RAB38: variants seen among roughly 807,000 people sequenced by gnomAD.
RAB38 encodes the protein RAB38, member RAS oncogene family.
Under a neutral mutation model 18.4 loss-of-function variants are expected in RAB38, and 15 were observed. That is an observed-to-expected ratio of 0.82 (90% CI 0.55 to 1.26). The LOEUF is 1.26. RAB38 is among the 50% of genes most tolerant of loss of function. RAB38 has a pLI of 0.00. For synonymous variants in RAB38, 101 were observed against 104.4 expected (o/e 0.97, Z 0.20); for missense variants, 294 against 267.4 (o/e 1.10, Z -0.69).
Position 88,134,143 on chromosome 11 carries a change from CT to C in RAB38, c.483+15531del, listed in dbSNP as rs575776348. Among the ~76,000 whole-genome samples, 231 of 152,278 alleles carry C rather than the reference CT, an allele frequency of 1.5e-3. 1 individual carries two copies. The highest frequency in any genetic ancestry group is 5.2e-3 in the African/African-American group (215 of 41,558). On this transcript the variant is annotated intron_variant, in intron 2 of 2. Coordinates refer to ENST00000243662, the MANE Select transcript of RAB38 (RefSeq NM_022337.3). ...CATCTGCTCTTAGATGTATAGTAAC[CT>C]TTTAGACTTTAACATACAAAAAAAA... is the stretch of plus-strand genomic sequence containing the variant.
At chr11:87,948,891 AT>A in the RAB38 span, among the ~76,000 whole-genome samples, 1 of 152,096 alleles carries the variant, frequency 6.6e-6, no homozygotes, top group African/African-American at 2.4e-5. Context: ...TATCAGGATG[AT>A]GCTGGCCTCA....
chr11:87,937,859 C>A, the RAB38 span, among the ~76,000 whole-genome samples: 4 of 122,962 alleles, frequency 3.3e-5, no homozygotes, highest in Non-Finnish European at 6.7e-5. Flanking sequence ...TTTGTAATTG[C>A]TCATTGAAGT....
At chr11:87,817,008 C>T in the RAB38 span, 1 of 152,228 alleles carries the variant, frequency 6.6e-6, no homozygotes, top group Non-Finnish European at 1.5e-5. Context: ...AAGCTTATGT[C>T]ATCCTTAGAT....
At chr11:87,842,494 T>C in the RAB38 span, among the ~76,000 whole-genome samples, 1 of 152,172 alleles carries the variant, frequency 6.6e-6, no homozygotes, top group Non-Finnish European at 1.5e-5. Context: ...GGGCCTTCGT[T>C]GTACTTGAGC....
chr11:88,090,702 G>A, the RAB38 span, among the ~76,000 whole-genome samples: 2 of 151,958 alleles, frequency 1.3e-5, no homozygotes, highest in African/African-American at 4.8e-5. Context: ...CACAGCTCTG[G>A]AGGAAATGTC....
the RAB38 span, among the ~76,000 whole-genome samples, chr11:87,949,726 C>G: frequency 2.0e-5 from 3 of 152,154 alleles, no homozygotes; most frequent in Admixed American, 6.5e-5. Flanking sequence ...ATCCTGAGTT[C>G]TAGTTTGATT....
chr11:87,947,664 G>A, the RAB38 span, among the ~76,000 whole-genome samples: 2 of 152,142 alleles, frequency 1.3e-5, no homozygotes, highest in Non-Finnish European at 2.9e-5. Flanking sequence ...CCCATTTCAT[G>A]TTTTTGTCAC....
chr11:88,053,255 G>A, the RAB38 span, among the ~76,000 whole-genome samples: 263 of 54,752 alleles, frequency 4.8e-3, no homozygotes, highest in African/African-American at 5.7e-3. Context: ...ACATATATAT[G>A]GAATATATAT....
At chr11:88,061,347 C>T in the RAB38 span, among the ~76,000 whole-genome samples, 1 of 152,106 alleles carries the variant, frequency 6.6e-6, no homozygotes, top group African/African-American at 2.4e-5. Context: ...TGGCAGAAAC[C>T]TCAGAAGTAA....
chr11:88,069,274 A>G, the RAB38 span, among the ~76,000 whole-genome samples: 1 of 152,306 alleles, frequency 6.6e-6, no homozygotes, highest in Non-Finnish European at 1.5e-5. Flanking sequence ...GCTGGGCCTC[A>G]GCCACCTCCC....
At chr11:87,949,745 A>G in the RAB38 span, among the ~76,000 whole-genome samples, 53 of 152,152 alleles carry the variant, frequency 3.5e-4, no homozygotes, top group African/African-American at 1.1e-3. Context: ...TTGCACTGTG[A>G]TCTGAGAGAC....
the RAB38 span, among the ~76,000 whole-genome samples, chr11:87,849,164 T>C: frequency 5.3e-5 from 8 of 152,122 alleles, no homozygotes; most frequent in Non-Finnish European, 1.0e-4. Flanking sequence ...GGTACATTGG[T>C]ACAAAACTTT....
At chr11:88,052,929 TATATA>T in the RAB38 span, among the ~76,000 whole-genome samples, 404 of 57,954 alleles carry the variant, frequency 7.0e-3, 26 homozygotes, top group Middle Eastern at 0.032. Flanking sequence ...TATATATATA[TATATA>T]TATATATATA....
chr11:87,919,292 T>C, the RAB38 span, among the ~76,000 whole-genome samples: 5 of 152,028 alleles, frequency 3.3e-5, no homozygotes, highest in African/African-American at 1.2e-4. Flanking sequence ...TCTACTTAAT[T>C]TGTTGTGAGT....
chr11:88,105,265 T>C, the RAB38 span, among the ~76,000 whole-genome samples: 2 of 152,284 alleles, frequency 1.3e-5, no homozygotes, highest in South Asian at 4.1e-4. Flanking sequence ...TGTCATTATC[T>C]TTTTATTTCT....
At chr11:87,840,971 GC>G in the RAB38 span, among the ~76,000 whole-genome samples, 1 of 152,106 alleles carries the variant, frequency 6.6e-6, no homozygotes, top group African/African-American at 2.4e-5. Context: ...CTTGAAACCA[GC>G]CTGTCTAGGT....
intron 1 of RAB38, among the ~76,000 whole-genome samples, chr11:88,172,811 T>C (rs1043671879): frequency 6.6e-6 from 1 of 152,212 alleles, no homozygotes; most frequent in Admixed American, 6.5e-5. Flanking sequence ...TTTCCTACAG[T>C]GGCCTAGCTT....
At chr11:87,951,322 C>A in the RAB38 span, among the ~76,000 whole-genome samples, 7 of 151,888 alleles carry the variant, frequency 4.6e-5, no homozygotes, top group Admixed American at 2.6e-4. Context: ...CTTTTAACTT[C>A]TTTGCCATTG....
At chr11:88,061,096 GA>G in the RAB38 span, among the ~76,000 whole-genome samples, 1 of 152,190 alleles carries the variant, frequency 6.6e-6, no homozygotes, top group South Asian at 2.1e-4. Context: ...ATGATATGAT[GA>G]AAATGTGAAC....
Sources: allele counts gnomAD v4.1 joint callset (sites outside exome capture counted in the v4.1 genomes callset), GRCh38; gene constraint gnomAD v4.1.1; transcripts MANE v1.5; gene names NCBI Gene and HGNC (gene_info 2026-07-23, HGNC 2026-07-21).